RMDN2: variants seen among roughly 807,000 people sequenced by gnomAD.
RMDN2 encodes the protein regulator of microtubule dynamics 2, also known as regulator of microtubule dynamics protein 2.
In RMDN2, 61 loss-of-function variants were observed where a neutral mutation model predicts 52.8. The observed-to-expected ratio is 1.16, with a 90% CI of 0.94 to 1.43. RMDN2 has a LOEUF of 1.43. Ranked by LOEUF, RMDN2 falls within the 40% of genes most tolerant of loss-of-function variation. The pLI, the probability that RMDN2 is intolerant of heterozygous loss-of-function variation, is 0.00. For missense variants in RMDN2, 592 were observed against 475.3 expected (o/e 1.25, Z -2.28); for synonymous variants, 180 against 153.1 (o/e 1.18, Z -1.30).
At chr2:38,006,480 T>G (rs1201115753) in intron 10 of RMDN2, among the ~76,000 whole-genome samples, 3 of 152,076 alleles carry the variant, frequency 2.0e-5, no homozygotes, top group African/African-American at 7.2e-5. Context: ...TGAATGGGAG[T>G]TCACTCATGA....
At chr2:38,013,433 A>G (rs1678284757) in intron 10 of RMDN2, among the ~76,000 whole-genome samples, 1 of 152,234 alleles carries the variant, frequency 6.6e-6, no homozygotes. Context: ...GTTACCAGAA[A>G]CAAACCACAA....
At chr2:37,995,536 C>T (rs1218043351) in intron 7 of RMDN2, among the ~76,000 whole-genome samples, 1 of 152,090 alleles carries the variant, frequency 6.6e-6, no homozygotes, top group Non-Finnish European at 1.5e-5. Context: ...ATGTACAGAT[C>T]AACCATATAC....
intron 2 of RMDN2, among the ~76,000 whole-genome samples, chr2:37,967,540 AT>A (rs1671225715): frequency 6.6e-6 from 1 of 152,200 alleles, no homozygotes; most frequent in Admixed American, 6.5e-5. Context: ...TGCTCAAGGT[AT>A]TTTGCTTGTT....
chr2:37,995,241 A>G (rs762487174), intron 7 of RMDN2, among the ~76,000 whole-genome samples: 6 of 152,100 alleles, frequency 3.9e-5, no homozygotes, highest in East Asian at 1.9e-4. Context: ...AACCAAATAA[A>G]TAATAATCAA....
rs80332448 is a variant in RMDN2 at position 37,987,096 on chromosome 2, G to T, written c.792-2445G>T. Among the ~76,000 whole-genome samples, 138 of 152,118 alleles carry T rather than the reference G, an allele frequency of 9.1e-4. 2 individuals carry two copies. The East Asian group carries it at 0.022, about 25-fold the overall frequency. On this transcript the variant is annotated intron_variant, in intron 5 of 10. Transcript: ENST00000354545. Reference sequence around the variant, plus strand: ...AAAAAATCTAAAAAAAAAATCTCTTGGGATTAAGCAATTATAGCAAGGTTG... The same window carrying T: ...AAAAAATCTAAAAAAAAAATCTCTTTGGATTAAGCAATTATAGCAAGGTTG...
chr2:37,980,657 TG>T (rs1355292773), intron 4 of RMDN2, among the ~76,000 whole-genome samples: 1 of 152,150 alleles, frequency 6.6e-6, no homozygotes, highest in African/African-American at 2.4e-5. Context: ...TAAAATAATT[TG>T]GGGGAATTAT....
Position 37,930,146 on chromosome 2 carries a change from C to A in RMDN2, c.452+417C>A, listed in dbSNP as rs528583583. On this transcript the variant is annotated intron_variant, in intron 2 of 10. Coordinates refer to ENST00000354545, the MANE Select transcript of RMDN2 (RefSeq NM_001170791.3). The stretch of plus-strand genomic sequence containing the variant: ...GGTAGCCACTAGCCCCCTCTGGCCA[C>A]AAAGCACATGAAATGTGGCTAATGC... Among the ~76,000 whole-genome samples the A allele has an allele frequency of 2.6e-5, 4 of 152,334 alleles. No individual in the cohort carries two copies. The South Asian group carries it at 6.2e-4, about 24-fold the overall frequency.
At chr2:38,062,221 G>T (rs1235033517) in intron 10 of RMDN2, among the ~76,000 whole-genome samples, 1 of 152,158 alleles carries the variant, frequency 6.6e-6, no homozygotes, top group Non-Finnish European at 1.5e-5. Flanking sequence ...CTATCCTTTT[G>T]TAGTACTCTC....
intron 10 of RMDN2, among the ~76,000 whole-genome samples, chr2:38,032,674 T>C (rs1680293797): frequency 6.6e-6 from 1 of 152,152 alleles, no homozygotes. Flanking sequence ...ACCCCGTTTC[T>C]ACAAAAATAC....
chr2:37,999,412 G>T (rs1462176747), intron 8 of RMDN2, among the ~76,000 whole-genome samples: 1 of 152,096 alleles, frequency 6.6e-6, no homozygotes, highest in African/African-American at 2.4e-5. Context: ...AAAACTCACG[G>T]AATTTTAATT....
chr2:37,990,290 G>A (rs12618848), intron 6 of RMDN2, among the ~76,000 whole-genome samples: 42,191 of 151,294 alleles, frequency 0.28, 6,414 homozygotes, highest in East Asian at 0.62. Flanking sequence ...AGGCTGAAGC[G>A]GGCAGATTGC....
chr2:37,977,842 C>T (rs1207432108), intron 4 of RMDN2, among the ~76,000 whole-genome samples: 3 of 150,772 alleles, frequency 2.0e-5, no homozygotes, highest in East Asian at 4.0e-4. Flanking sequence ...CCAGACTGGG[C>T]GGCCGGGCAG....
chr2:37,974,122 T>A lies in RMDN2; in HGVS notation c.535T>A (p.Leu179Ile). 6.2e-7 allele frequency: 1 copy of A among 1,613,138 alleles called. No homozygotes were observed. The highest frequency in any genetic ancestry group is 1.3e-5 in the African/African-American group (1 of 75,032). Residue 179 changes from leucine (L) to isoleucine (I), a missense_variant, in exon 3 of 11, where the codon TTA (leucine) becomes ATA (isoleucine). Coordinates refer to ENST00000354545, the MANE Select transcript of RMDN2 (RefSeq NM_001170791.3). Reference protein sequence around the residue: ...AFNTRVEELNLDVLLQKVDHL... With the variant: ...AFNTRVEELNIDVLLQKVDHL... ...TAACACACGTGTAGAGGAATTAAATTTAGATGTCCTTCTTCAGAAGGTAGA... is the reference window on the plus strand; with the variant it reads ...TAACACACGTGTAGAGGAATTAAATATAGATGTCCTTCTTCAGAAGGTAGA...
chr2:37,985,039 T>C (rs1673815126), intron 5 of RMDN2, among the ~76,000 whole-genome samples: 1 of 152,026 alleles, frequency 6.6e-6, no homozygotes, highest in Admixed American at 6.6e-5. Context: ...TCCAAAAAAA[T>C]ATGAAAAATG....
intron 2 of RMDN2, among the ~76,000 whole-genome samples, chr2:37,960,654 A>G (rs1261745212): frequency 1.3e-5 from 2 of 152,130 alleles, no homozygotes; most frequent in Non-Finnish European, 2.9e-5. Context: ...TAAGGTTAAT[A>G]TGTGTCTTTT....
chr2:37,948,480 G>A (rs966332749), intron 2 of RMDN2, among the ~76,000 whole-genome samples: 3 of 152,062 alleles, frequency 2.0e-5, no homozygotes, highest in African/African-American at 7.2e-5. Flanking sequence ...AAAGCAGAAG[G>A]TACCTGGGGT....
intron 10 of RMDN2, chr2:38,012,783 T>G (rs573953007): frequency 6.7e-6 from 2 of 297,006 alleles, no homozygotes; most frequent in East Asian, 1.0e-4. Flanking sequence ...TAACCAAGTT[T>G]ATTCATTTCC....
At position 37,957,682 on chromosome 2, in the gene RMDN2, C is replaced by A. The variant is rs182762815; in HGVS notation, c.453-16358C>A. On this transcript the variant is annotated intron_variant, in intron 2 of 10. Coordinates refer to ENST00000354545, the MANE Select transcript of RMDN2 (RefSeq NM_001170791.3). ...AATTTGTCTATTTTTACTTTTGTTG[C>A]AATTGCTTTTGGTGTTTTAGTCATG... Among the ~76,000 whole-genome samples the A allele has an allele frequency of 9.9e-5, 15 of 152,212 alleles. No individual in the cohort carries two copies. In the East Asian group the frequency reaches 2.7e-3, roughly 27 times the overall value.
At chr2:38,041,642 G>C (rs899452651) in intron 10 of RMDN2, among the ~76,000 whole-genome samples, 2 of 151,862 alleles carry the variant, frequency 1.3e-5, no homozygotes, top group Non-Finnish European at 2.9e-5. Context: ...TTTTTGCTGA[G>C]AGTTTTTATC....
Sources: gnomAD v4.1 joint callset for allele counts (sites outside exome capture counted in the v4.1 genomes callset) on GRCh38, gnomAD v4.1.1 for gene constraint, MANE v1.5 for transcripts, NCBI Gene and HGNC (gene_info 2026-07-23, HGNC 2026-07-21) for gene names.